The following GNAL variants were observed in gnomAD, a reference collection of about 807,000 sequenced individuals.
The protein encoded by GNAL is guanine nucleotide-binding protein G(olf) subunit alpha.
A neutral mutation model predicts 55.1 loss-of-function variants in GNAL; 18 were observed. The ratio of observed to expected loss-of-function variants is 0.33; its 90% CI spans 0.23 to 0.48. The LOEUF (loss-of-function observed/expected upper bound fraction) is 0.48. Ranked by LOEUF, GNAL falls within the 20% of genes least tolerant of loss-of-function variation. The pLI, the probability that GNAL is intolerant of heterozygous loss-of-function variation, is 0.99. For missense variants in GNAL, 412 were observed against 614.1 expected, an observed-to-expected ratio of 0.67 and a Z score of 3.48; for synonymous variants, 253 against 237.0, an observed-to-expected ratio of 1.07 and a Z score of -0.62.
chr18:11,714,148 C>T (rs2031900352), intron 1 of GNAL, among the ~76,000 whole-genome samples: 2 of 152,196 alleles, frequency 1.3e-5, no homozygotes, highest in South Asian at 4.1e-4. Context: ...TTCCTGGGGC[C>T]TGCCCACTAG....
At chr18:11,750,497 C>G (rs1228926298) in intron 1 of GNAL, among the ~76,000 whole-genome samples, 1 of 152,010 alleles carries the variant, frequency 6.6e-6, no homozygotes, top group Non-Finnish European at 1.5e-5. Flanking sequence ...TCCTCGGACC[C>G]CTGGGTGGAG....
chr18:11,864,674 G>A, intron 7 of GNAL, 68 bp downstream of exon 7: 2 of 861,400 alleles, frequency 2.3e-6, no homozygotes, highest in South Asian at 1.3e-5. Flanking sequence ...GGGCTGTGAG[G>A]TTTAAGGGGG....
intron 6 of GNAL, 105 bp downstream of exon 6, chr18:11,862,554 T>C (rs984642629): frequency 9.9e-7 from 1 of 1,008,596 alleles, no homozygotes; most frequent in African/African-American, 1.6e-5. Context: ...ATCCTTAAGA[T>C]ACCTACTTTT....
At chr18:11,860,815 G>T (rs752184796) in intron 5 of GNAL, among the ~76,000 whole-genome samples, 43 of 152,182 alleles carry the variant, frequency 2.8e-4, no homozygotes, top group Non-Finnish European at 6.2e-4. Context: ...TACAGGGCAG[G>T]CACGTTTCTT....
intron 1 of GNAL, among the ~76,000 whole-genome samples, chr18:11,713,824 C>T (rs931036066): frequency 6.6e-6 from 1 of 152,112 alleles, no homozygotes; most frequent in African/African-American, 2.4e-5. Flanking sequence ...ATGGGAATGT[C>T]GTCCAGAAAA....
At chr18:11,847,916 A>T (rs1485944753) in intron 5 of GNAL, among the ~76,000 whole-genome samples, 2 of 152,232 alleles carry the variant, frequency 1.3e-5, no homozygotes, top group Non-Finnish European at 2.9e-5. Context: ...AATATAAAGA[A>T]TGGAAAAAAC....
intron 5 of GNAL, among the ~76,000 whole-genome samples, chr18:11,847,994 G>A (rs907364126): frequency 1.2e-4 from 18 of 152,150 alleles, no homozygotes; most frequent in African/African-American, 3.6e-4. Flanking sequence ...AATCCAACTC[G>A]AATGACAAGG....
chr18:11,705,903 C>T (rs1223380956), intron 1 of GNAL, among the ~76,000 whole-genome samples: 1 of 151,914 alleles, frequency 6.6e-6, no homozygotes, highest in Non-Finnish European at 1.5e-5. Flanking sequence ...TTACAGGCTC[C>T]TGCCAGCATG....
Position 11,882,409 on chromosome 18 carries a change from C to G in GNAL, c.*1274C>G, listed in dbSNP as rs1044043033. On this transcript the variant is annotated 3_prime_UTR_variant, in exon 12 of 12. Transcript: ENST00000334049. Reference sequence around the variant, plus strand: ...CAGTAAGAGAAAAACAAAATGTGGCCAGGCGCGGTGGCTCACGCCTGTAAT... The same window carrying G: ...CAGTAAGAGAAAAACAAAATGTGGCGAGGCGCGGTGGCTCACGCCTGTAAT... 1 of 152,272 alleles carries G rather than the reference C, an allele frequency of 6.6e-6. No individual in the cohort carries two copies. The highest frequency in any genetic ancestry group is 1.5e-5 in the Non-Finnish European group (1 of 68,156). 9.4% of individuals were successfully genotyped at this position (152,272 alleles called of 1,614,324 possible).
intron 1 of GNAL, among the ~76,000 whole-genome samples, chr18:11,717,041 G>T (rs915029102): frequency 3.3e-5 from 5 of 152,252 alleles, no homozygotes; most frequent in African/African-American, 1.2e-4. Context: ...AGCCCATGGA[G>T]GGTGGGGGAG....
At chr18:11,817,750 G>A (rs74768994) in intron 4 of GNAL, among the ~76,000 whole-genome samples, 7,379 of 149,388 alleles carry the variant, frequency 0.049, 322 homozygotes, top group African/African-American at 0.098. Flanking sequence ...CACAACACCG[G>A]GCTAATTTTT....
At chr18:11,727,043 G>A (rs971168834) in intron 1 of GNAL, among the ~76,000 whole-genome samples, 7 of 151,900 alleles carry the variant, frequency 4.6e-5, no homozygotes, top group African/African-American at 1.7e-4. Flanking sequence ...GCCTCTGTGT[G>A]CGTCCTCCAC....
chr18:11,792,023 C>T (rs949022759), intron 4 of GNAL, among the ~76,000 whole-genome samples: 4 of 152,132 alleles, frequency 2.6e-5, no homozygotes, highest in Admixed American at 2.6e-4. Flanking sequence ...TTTTTGAGTT[C>T]AGACCCACCT....
At position 11,881,225 on chromosome 18, in the gene GNAL, C is replaced by A; in HGVS notation, c.*90C>A. On this transcript the variant is annotated 3_prime_UTR_variant, in exon 12 of 12. Transcript: ENST00000334049. The surrounding 1 kb of genome is among the most constrained non-coding windows in gnomAD (Gnocchi z 4.8). ...TGGTAGGAGGCAGAGTCTCTAGTTCCATCTCGCTGCCGTCTGTCCCGTTCT... is the reference window on the plus strand; with the variant it reads ...TGGTAGGAGGCAGAGTCTCTAGTTCAATCTCGCTGCCGTCTGTCCCGTTCT... 1 of 1,275,140 alleles carries A rather than the reference C, an allele frequency of 7.8e-7. No individual in the cohort carries two copies. Among genetic ancestry groups the A allele is most frequent in the South Asian group, 1.4e-5 (1 of 70,798 alleles). The allele number at this position is 1,275,140 out of a possible 1,614,324, so 79.0% of individuals were successfully genotyped here. A position where few individuals can be genotyped will look rare whatever the true frequency, so the allele number is the denominator to read the frequency against.
At chr18:11,801,180 C>T (rs1200383432) in intron 4 of GNAL, among the ~76,000 whole-genome samples, 1 of 152,104 alleles carries the variant, frequency 6.6e-6, no homozygotes, top group Non-Finnish European at 1.5e-5. Flanking sequence ...AGGAACAAAA[C>T]AAAAAGATAT....
chr18:11,750,266 G>A (rs1010624872), intron 1 of GNAL, among the ~76,000 whole-genome samples: 4 of 152,166 alleles, frequency 2.6e-5, no homozygotes, highest in Admixed American at 6.5e-5. Flanking sequence ...GGTAGAAGGC[G>A]TGAGGGTGGC....
At chr18:11,793,582 TA>T (rs1300599522) in intron 4 of GNAL, among the ~76,000 whole-genome samples, 1 of 144,980 alleles carries the variant, frequency 6.9e-6, no homozygotes, top group Non-Finnish European at 1.5e-5. Context: ...ATCCTGTCTC[TA>T]AAAAAATAAA....
At chr18:11,842,604 T>C (rs1197926841) in intron 5 of GNAL, among the ~76,000 whole-genome samples, 2 of 152,028 alleles carry the variant, frequency 1.3e-5, no homozygotes, top group Non-Finnish European at 2.9e-5. Context: ...GCATGCAACC[T>C]AGATCCCTCA....
chr18:11,694,560 A>C (rs1048544094), intron 1 of GNAL, among the ~76,000 whole-genome samples: 4 of 152,196 alleles, frequency 2.6e-5, no homozygotes, highest in Non-Finnish European at 5.9e-5. Flanking sequence ...GTTAGAAGGC[A>C]GTGGTCAAGA....
Sources: gnomAD v4.1 joint callset for allele counts (sites outside exome capture counted in the v4.1 genomes callset) on GRCh38, gnomAD v4.1.1 for gene constraint, Gnocchi (gnomAD v3.1) non-coding constraint, MANE v1.5 for transcripts, NCBI Gene and HGNC (gene_info 2026-07-23, HGNC 2026-07-21) for gene names.